The following DYNC1LI2 variants were observed in gnomAD, a reference collection of about 807,000 sequenced individuals.
DYNC1LI2 encodes the protein dynein cytoplasmic 1 light intermediate chain 2, also known as cytoplasmic dynein 1 light intermediate chain 2.
A neutral mutation model predicts 57.8 loss-of-function variants in DYNC1LI2; 19 were observed. The observed-to-expected ratio is 0.33, with a 90% CI of 0.23 to 0.48. The LOEUF is 0.48. Among genes scored for constraint, DYNC1LI2 ranks in the 20% least tolerant of loss-of-function variants. DYNC1LI2 has a pLI of 0.99. For synonymous variants in DYNC1LI2, 256 were observed against 233.4 expected (o/e 1.10, Z -0.88); for missense variants, 470 against 604.2 (o/e 0.78, Z 2.33).
chr16:66,727,109 G>C (rs2017550144), intron 11 of DYNC1LI2, among the ~76,000 whole-genome samples: 1 of 152,076 alleles, frequency 6.6e-6, no homozygotes, highest in African/African-American at 2.4e-5. Context: ...GTAGAGGCGA[G>C]GTCTCACTAT....
chr16:66,742,027 G>A lies in DYNC1LI2; in HGVS notation c.529+411C>T, dbSNP rs553132162. 2.0e-5 allele frequency among the ~76,000 whole-genome samples: 3 copies of A among 152,144 alleles called. No individual in the cohort carries two copies. In the South Asian group the frequency reaches 6.2e-4, roughly 32 times the overall value. On this transcript the variant is annotated intron_variant, in intron 4 of 12. Transcript: ENST00000258198. ...ACTTCCTCTAAGCCTGCCAACACGAGGGTCCATAGGGCCTTAATGGAATTC... is the reference window on the plus strand; with the variant it reads ...ACTTCCTCTAAGCCTGCCAACACGAAGGTCCATAGGGCCTTAATGGAATTC...
chr16:66,730,524 G>C, intron 7 of DYNC1LI2: 1 of 230,046 alleles, frequency 4.3e-6, no homozygotes, highest in Non-Finnish European at 8.5e-6. Flanking sequence ...ACTCTGCCTA[G>C]AAGAGCAAGG....
At chr16:66,732,642 A>T (rs1340706595) in intron 6 of DYNC1LI2, 168 bp from the exon 7 acceptor site, 2 of 508,276 alleles carry the variant, frequency 3.9e-6, no homozygotes, top group Non-Finnish European at 3.2e-6. Flanking sequence ...ACATAGGCAT[A>T]CTGCACACTG....
intron 3 of DYNC1LI2, among the ~76,000 whole-genome samples, chr16:66,745,243 A>C (rs2017914459): frequency 6.6e-6 from 1 of 151,872 alleles, no homozygotes; most frequent in Non-Finnish European, 1.5e-5. Flanking sequence ...TATCATCAAA[A>C]ATATTTTATT....
intron 7 of DYNC1LI2, 200 bp from the exon 8 acceptor site, chr16:66,730,423 T>G: frequency 2.1e-6 from 1 of 484,854 alleles, no homozygotes; most frequent in Non-Finnish European, 3.7e-6. Context: ...TCCTGCTCCA[T>G]ACTGAGTTCA....
intron 3 of DYNC1LI2, among the ~76,000 whole-genome samples, chr16:66,744,620 C>G (rs896834280): frequency 6.6e-6 from 1 of 152,000 alleles, no homozygotes. Flanking sequence ...CTGCAACTGC[C>G]GCCGCAACCG....
At chr16:66,726,054 G>T in intron 11 of DYNC1LI2, 110 bp from the exon 12 acceptor site, 1 of 1,111,448 alleles carries the variant, frequency 9.0e-7, no homozygotes, top group South Asian at 1.5e-5. Context: ...AGCTTCCTAG[G>T]ATATTGATAA....
chr16:66,747,569 ATT>A (rs760932236), intron 3 of DYNC1LI2, among the ~76,000 whole-genome samples: 7 of 141,218 alleles, frequency 5.0e-5, no homozygotes, highest in African/African-American at 2.6e-5. Flanking sequence ...AAAGAAAGTA[ATT>A]TTTTTTTTTT....
At chr16:66,748,691 G>C (rs1567458765) in intron 3 of DYNC1LI2, among the ~76,000 whole-genome samples, 1 of 152,130 alleles carries the variant, frequency 6.6e-6, no homozygotes, top group Admixed American at 6.5e-5. Flanking sequence ...AGCCTCCTGA[G>C]TAGCTGCGAT....
intron 11 of DYNC1LI2, among the ~76,000 whole-genome samples, chr16:66,726,799 G>A (rs193122394): frequency 1.3e-5 from 2 of 151,988 alleles, no homozygotes; most frequent in Non-Finnish European, 2.9e-5. Flanking sequence ...CCACCATCAC[G>A]CCTGGCTAAT....
At chr16:66,728,402 T>C (rs2017574163) in intron 9 of DYNC1LI2, among the ~76,000 whole-genome samples, 160 bp from the exon 10 acceptor site, 1 of 152,080 alleles carries the variant, frequency 6.6e-6, no homozygotes, top group Non-Finnish European at 1.5e-5. Context: ...AATTGAGCCG[T>C]TTGGTATATG....
chr16:66,744,858 C>G (rs1402182148), intron 3 of DYNC1LI2, among the ~76,000 whole-genome samples: 1 of 151,606 alleles, frequency 6.6e-6, no homozygotes, highest in Non-Finnish European at 1.5e-5. Context: ...CCATGCCCGG[C>G]CAAATTTATA....
intron 11 of DYNC1LI2, among the ~76,000 whole-genome samples, chr16:66,727,009 C>G (rs1001892386): frequency 6.6e-6 from 1 of 152,032 alleles, no homozygotes; most frequent in Non-Finnish European, 1.5e-5. Flanking sequence ...CCTCAATGCC[C>G]TGGGCCCAAG....
intron 4 of DYNC1LI2, among the ~76,000 whole-genome samples, chr16:66,739,974 A>G (rs899830283): frequency 2.6e-5 from 4 of 152,200 alleles, no homozygotes; most frequent in African/African-American, 9.6e-5. Context: ...AAGATCACAG[A>G]GCATCTTCAC....
At chr16:66,734,196 C>T (rs774874322) in intron 6 of DYNC1LI2, 22 bp downstream of exon 6, 4 of 1,612,458 alleles carry the variant, frequency 2.5e-6, no homozygotes, top group African/African-American at 1.3e-5. Flanking sequence ...GACCCAGGCC[C>T]CACACAGCGC....
At chr16:66,738,534 G>A (rs2017779078) in intron 4 of DYNC1LI2, among the ~76,000 whole-genome samples, 1 of 151,974 alleles carries the variant, frequency 6.6e-6, no homozygotes. Flanking sequence ...ACAGGCGTGA[G>A]CCACAGCACC....
At chr16:66,749,176 T>C (rs774137308) in intron 3 of DYNC1LI2, 21 bp downstream of exon 3, 89 of 1,611,984 alleles carry the variant, frequency 5.5e-5, no homozygotes, top group Admixed American at 8.3e-5. Context: ...CCCCTTACCA[T>C]GGGACCAATG....
intron 3 of DYNC1LI2, among the ~76,000 whole-genome samples, chr16:66,744,287 A>T (rs912447342): frequency 6.6e-6 from 1 of 152,136 alleles, no homozygotes; most frequent in African/African-American, 2.4e-5. Flanking sequence ...CCTAGGCTCA[A>T]GCAATGCTCC....
chr16:66,728,964 C>T (rs1265160359), intron 9 of DYNC1LI2, 76 bp downstream of exon 9: 2 of 1,508,276 alleles, frequency 1.3e-6, no homozygotes, highest in Non-Finnish European at 1.8e-6. Flanking sequence ...CACATGCAGA[C>T]ACCCCCAACC....
Sources: gnomAD v4.1 joint callset for allele counts (sites outside exome capture counted in the v4.1 genomes callset) on GRCh38, gnomAD v4.1.1 for gene constraint, MANE v1.5 for transcripts, NCBI Gene and HGNC (gene_info 2026-07-23, HGNC 2026-07-21) for gene names.